ATP6V0A4: variants seen among roughly 807,000 people sequenced by gnomAD.
The protein encoded by ATP6V0A4 is ATPase H+ transporting V0 subunit a4.
Under a neutral mutation model 107.3 loss-of-function variants are expected in ATP6V0A4, and 86 were observed. The ratio of observed to expected loss-of-function variants is 0.80; its 90% CI spans 0.67 to 0.96. The LOEUF (loss-of-function observed/expected upper bound fraction) is 0.96. ATP6V0A4 is among the 40% of genes least tolerant of loss of function. The probability of loss-of-function intolerance (pLI) is 0.00; values close to 1 mark genes in which losing one functional copy is unlikely to be tolerated. For missense variants in ATP6V0A4, 908 were observed against 1,045.6 expected, an observed-to-expected ratio of 0.87 and a Z score of 1.81; for synonymous variants, 353 against 381.4, an observed-to-expected ratio of 0.93 and a Z score of 0.87.
In ATP6V0A4 at chr7:138,724,755, A is replaced by C. The variant is rs1804622680; in HGVS notation, c.2011-2730T>G. Among the ~76,000 whole-genome samples the C allele has an allele frequency of 2.6e-5, 4 of 152,180 alleles. 1 individual carries two copies. In the South Asian group the frequency reaches 8.3e-4, roughly 32 times the overall value. On this transcript the variant is annotated intron_variant, in intron 18 of 21. Transcript: ENST00000310018. ...ATATATTACGGTTTCTCCATTTCCAACCCTAAACTCTACCCTTTTCTGCTC... is the reference window on the plus strand; with the variant it reads ...ATATATTACGGTTTCTCCATTTCCACCCCTAAACTCTACCCTTTTCTGCTC...
At chr7:138,794,013 A>C (rs1192853698) in intron 1 of ATP6V0A4, among the ~76,000 whole-genome samples, 1 of 152,196 alleles carries the variant, frequency 6.6e-6, no homozygotes, top group Non-Finnish European at 1.5e-5. Context: ...TGTAGTTCTC[A>C]AGGTTTCCTA....
At position 138,713,028 on chromosome 7, in the gene ATP6V0A4, C is replaced by T. The variant is rs3778699; in HGVS notation, c.2257+2736G>A. Among the ~76,000 whole-genome samples, 1,316 of 152,016 alleles carry T rather than the reference C, an allele frequency of 8.7e-3. 19 individuals carry two copies. The highest frequency in any genetic ancestry group is 0.03 in the African/African-American group (1,248 of 41,468). ...ACATGCGGCCGGGCGCGGTGGCTCA[C>T]GCCTGTAATTCCAGCATTTTGGGAG... On this transcript the variant is annotated intron_variant, in intron 20 of 21. Transcript: ENST00000310018.
At chr7:138,784,223 T>TATATATATACAC (rs1554402556) in intron 2 of ATP6V0A4, among the ~76,000 whole-genome samples, 11 of 87,184 alleles carry the variant, frequency 1.3e-4, no homozygotes, top group African/African-American at 6.9e-4. Flanking sequence ...ATTATATATA[T>TATATATATACAC]ATATATATAT....
chr7:138,741,832 C>G (rs1243434109), intron 14 of ATP6V0A4, among the ~76,000 whole-genome samples: 1 of 152,244 alleles, frequency 6.6e-6, no homozygotes, highest in Admixed American at 6.5e-5. Context: ...CAGGTCGCAG[C>G]TGGTGACCAG....
chr7:138,727,944 T>G (rs1187012584), intron 18 of ATP6V0A4, among the ~76,000 whole-genome samples: 1 of 152,178 alleles, frequency 6.6e-6, no homozygotes, highest in Non-Finnish European at 1.5e-5. Context: ...ACCTGGTATT[T>G]GGCAACAGGG....
rs541661446 is a variant in ATP6V0A4, at chr7:138,742,113, A to G, written c.1479-2480T>C. ...TTCATGTTGGTAGGCTGGCGAAATT[A>G]TGCAGATTGAACAAGTTTCAAAACT... On this transcript the variant is annotated intron_variant, in intron 14 of 21. Coordinates refer to ENST00000310018, the MANE Select transcript of ATP6V0A4 (RefSeq NM_020632.3). Among the ~76,000 whole-genome samples the G allele has an allele frequency of 3.9e-4, 59 of 152,320 alleles. 2 individuals carry two copies. In the South Asian group the frequency reaches 0.012, roughly 30 times the overall value.
chr7:138,796,413 AC>A (rs901712623), intron 1 of ATP6V0A4, among the ~76,000 whole-genome samples: 1 of 152,116 alleles, frequency 6.6e-6, no homozygotes, highest in African/African-American at 2.4e-5. Flanking sequence ...CTGGGCTGTT[AC>A]ACTCCACTAG....
chr7:138,706,549 A>G lies in ATP6V0A4; in HGVS notation c.*75T>C. The G allele has an allele frequency of 6.4e-7, 1 of 1,555,672 alleles. No homozygotes were observed. Among genetic ancestry groups the G allele is most frequent in the Non-Finnish European group, 8.8e-7 (1 of 1,131,776 alleles). On this transcript the variant is annotated 3_prime_UTR_variant, in exon 22 of 22. Transcript: ENST00000310018. ...ACAACCTTCCCATTGAGCGCCTTGC[A>G]GGGGCTGATATCAAAGACAAGACTG...
chr7:138,747,678 G>C, intron 12 of ATP6V0A4, 114 bp from the exon 13 acceptor site: 1 of 1,501,536 alleles, frequency 6.7e-7, no homozygotes, highest in Non-Finnish European at 9.0e-7. Context: ...AGCCTTTCTG[G>C]TTGTCTTTTC....
At chr7:138,720,223 G>C (rs1804362874) in intron 19 of ATP6V0A4, among the ~76,000 whole-genome samples, 1 of 152,090 alleles carries the variant, frequency 6.6e-6, no homozygotes, top group Admixed American at 6.6e-5. Context: ...CCTTAACCTT[G>C]AGTTTGGCTA....
chr7:138,745,405 C>G, intron 13 of ATP6V0A4, 125 bp from the exon 14 acceptor site: 1 of 1,373,476 alleles, frequency 7.3e-7, no homozygotes, highest in South Asian at 1.2e-5. Flanking sequence ...CACATGACCA[C>G]AGCAGACATC....
intron 20 of ATP6V0A4, 166 bp from the exon 21 acceptor site, chr7:138,709,961 G>A: frequency 2.9e-6 from 1 of 346,214 alleles, no homozygotes; most frequent in Non-Finnish European, 4.0e-6. Flanking sequence ...CAATCCTCCT[G>A]TCTCAGCCTC....
intron 18 of ATP6V0A4, among the ~76,000 whole-genome samples, chr7:138,728,347 C>G (rs567506753): frequency 6.6e-6 from 1 of 152,134 alleles, no homozygotes; most frequent in Non-Finnish European, 1.5e-5. Flanking sequence ...CTGCCTCAGC[C>G]TCCCAAGTAG....
At chr7:138,787,367 C>T (rs1160605868) in intron 1 of ATP6V0A4, among the ~76,000 whole-genome samples, 6 of 152,252 alleles carry the variant, frequency 3.9e-5, no homozygotes, top group African/African-American at 9.6e-5. Flanking sequence ...AAAGTCGCAT[C>T]GACACCAAGG....
chr7:138,710,551 C>T (rs2117179841), intron 20 of ATP6V0A4, among the ~76,000 whole-genome samples: 1 of 152,288 alleles, frequency 6.6e-6, no homozygotes, highest in South Asian at 2.1e-4. Flanking sequence ...ATCCATTAGG[C>T]TGAATATATA....
rs1484839769 is a variant in ATP6V0A4, at chr7:138,712,310, C to T, written c.2258-2515G>A. On this transcript the variant is annotated intron_variant, in intron 20 of 21. Transcript: ENST00000310018. ...TGATGTTGGTCTTCAGCTCCAACCT[C>T]AGCAGTAGTTTGAAGGACTTGGGTC... 2.0e-5 allele frequency among the ~76,000 whole-genome samples: 3 copies of T among 152,158 alleles called. 1 individual carries two copies. In the East Asian group the frequency reaches 5.8e-4, roughly 29 times the overall value.
rs199718487 is a variant in ATP6V0A4, at chr7:138,771,400, C to CT, written c.-17-137dup. Reference sequence around the variant, plus strand: ...AGGAATCACTTCTGATTTTAGGAGACTTTTTTTTTTTTTTTTTCTTAGACA... The same window carrying CT: ...AGGAATCACTTCTGATTTTAGGAGACTTTTTTTTTTTTTTTTTTCTTAGACA... On this transcript the variant is annotated intron_variant, in intron 2 of 21. Coordinates refer to ENST00000310018, the MANE Select transcript of ATP6V0A4 (RefSeq NM_020632.3). 0.19 allele frequency: 119,869 copies of CT among 644,822 alleles called. 2,633 individuals carry two copies. Among genetic ancestry groups the CT allele is most frequent in the African/African-American group, 0.32 (15,557 of 49,072 alleles). The allele number at this position is 644,822 out of a possible 1,614,324, so 39.9% of individuals were successfully genotyped here.
intron 16 of ATP6V0A4, 110 bp from the exon 17 acceptor site, chr7:138,733,203 T>G (rs77355000): frequency 1.3e-6 from 2 of 1,499,890 alleles, no homozygotes; most frequent in Non-Finnish European, 1.8e-6. Flanking sequence ...TTTTTTTTTT[T>G]GCACTACTGG....
intron 2 of ATP6V0A4, among the ~76,000 whole-genome samples, chr7:138,780,521 G>A (rs1003511558): frequency 3.9e-5 from 6 of 152,288 alleles, no homozygotes; most frequent in African/African-American, 1.4e-4. Flanking sequence ...CATCTTGAGG[G>A]CTCAGTGTTG....
Sources: gnomAD v4.1 joint callset for allele counts (sites outside exome capture counted in the v4.1 genomes callset) on GRCh38, gnomAD v4.1.1 for gene constraint, MANE v1.5 for transcripts, NCBI Gene and HGNC (gene_info 2026-07-23, HGNC 2026-07-21) for gene names.